The following DDX60 variants were observed in gnomAD, a reference collection of about 807,000 sequenced individuals.
The protein encoded by DDX60 is DExD/H-box helicase 60.
In DDX60, 165 loss-of-function variants were observed where a neutral mutation model predicts 212.8. The ratio of observed to expected loss-of-function variants is 0.78; its 90% CI spans 0.68 to 0.88. The LOEUF (loss-of-function observed/expected upper bound fraction) is 0.88, where lower values mean the gene tolerates loss of function less well. Among genes scored for constraint, DDX60 ranks in the 40% least tolerant of loss-of-function variants. The pLI is 0.00. For missense variants in DDX60, 1,905 were observed against 2,003.9 expected, an observed-to-expected ratio of 0.95 and a Z score of 0.94; for synonymous variants, 703 against 685.3, an observed-to-expected ratio of 1.03 and a Z score of -0.40.
chr4:168,322,322 T>C (rs1737624100), upstream of DDX60, among the ~76,000 whole-genome samples: 1 of 152,216 alleles, frequency 6.6e-6, no homozygotes, highest in Admixed American at 6.5e-5. Flanking sequence ...GTTAGAAACC[T>C]GGGAGCCATT....
chr4:168,297,372 AAGAAAGAAAG>A (rs1268972682), intron 6 of DDX60, among the ~76,000 whole-genome samples: 830 of 52,940 alleles, frequency 0.016, 61 homozygotes, highest in African/African-American at 0.027. Context: ...GAAAGAAAGA[AAGAAAGAAAG>A]AGAAAGAAAG....
intron 1 of DDX60, among the ~76,000 whole-genome samples, chr4:168,317,586 G>GC (rs1737451250): frequency 1.3e-5 from 2 of 152,096 alleles, no homozygotes; most frequent in African/African-American, 4.8e-5. Flanking sequence ...GAGAAGAGCT[G>GC]GTGGGTTAAA....
intron 34 of DDX60, among the ~76,000 whole-genome samples, chr4:168,225,290 A>G (rs1344834644): frequency 6.6e-6 from 1 of 152,062 alleles, no homozygotes; most frequent in Non-Finnish European, 1.5e-5. Context: ...TCAGTTTTCC[A>G]GGCTTGACCC....
Position 168,236,334 on chromosome 4 carries a change from A to G in DDX60, c.4451T>C (p.Val1484Ala). The change falls in exon 33 of 38, where the codon GTA becomes GCA. Residue 1484 changes from valine (V) to alanine (A), a missense_variant. Val to Ala is a moderately conservative substitution (Grantham distance 64, BLOSUM62 0). Transcript: ENST00000393743. ...HFSQDVMEKL[V>A]LVLAHLFGRR... ...TCCAAAGAGATGTGCCAATACTAATACTAGCTTTTCCATAACGTCTTGAGA... is the reference window on the plus strand; with the variant it reads ...TCCAAAGAGATGTGCCAATACTAATGCTAGCTTTTCCATAACGTCTTGAGA... 6.2e-7 allele frequency: 1 copy of G among 1,609,966 alleles called. No individual in the cohort carries two copies. Among genetic ancestry groups the G allele is most frequent in the Non-Finnish European group, 8.5e-7 (1 of 1,177,904 alleles).
At chr4:168,236,825 T>A (rs544633714) in intron 32 of DDX60, among the ~76,000 whole-genome samples, 1 of 151,916 alleles carries the variant, frequency 6.6e-6, no homozygotes, top group South Asian at 2.1e-4. Flanking sequence ...TATTTAGGTA[T>A]ACTATACAAT....
chr4:168,247,891 T>A (rs1734077234), intron 29 of DDX60, among the ~76,000 whole-genome samples: 1 of 152,216 alleles, frequency 6.6e-6, no homozygotes, highest in South Asian at 2.1e-4. Context: ...ACAAATCACT[T>A]ATTTAATTCT....
At chr4:168,251,676 T>C (rs1734226259) in intron 27 of DDX60, among the ~76,000 whole-genome samples, 1 of 152,114 alleles carries the variant, frequency 6.6e-6, no homozygotes, top group Admixed American at 6.5e-5. Context: ...TTCAATTATG[T>C]ATTCACTCAC....
chr4:168,237,758 T>C lies in DDX60; in HGVS notation c.4202A>G (p.Lys1401Arg). 6.2e-7 allele frequency: 1 copy of C among 1,611,860 alleles called. No homozygotes were observed. Among genetic ancestry groups the C allele is most frequent in the Non-Finnish European group, 8.5e-7 (1 of 1,178,888 alleles). Residue 1401 changes from lysine (K) to arginine (R), a missense_variant, in exon 31 of 38, where the codon AAG becomes AGG. Transcript: ENST00000393743. ...SVLKHSLLSF[K>R]QPRVMDMLKL... ...TAACATGTCCATGACTCTGGGTTGCTTGAAGGACAGCAATGAATGCTTTAG... is the reference window on the plus strand; with the variant it reads ...TAACATGTCCATGACTCTGGGTTGCCTGAAGGACAGCAATGAATGCTTTAG...
chr4:168,324,697 T>C, the DDX60 span, among the ~76,000 whole-genome samples: 1 of 152,226 alleles, frequency 6.6e-6, no homozygotes, highest in Non-Finnish European at 1.5e-5. Flanking sequence ...TTCAGGAATT[T>C]AACCAAGGTG....
chr4:168,279,162 A>G (rs1236658177), intron 14 of DDX60, among the ~76,000 whole-genome samples: 2 of 152,218 alleles, frequency 1.3e-5, no homozygotes, highest in South Asian at 4.1e-4. Context: ...AAAAGCAAAA[A>G]TTATCTTCTT....
At position 168,268,777 on chromosome 4, in the gene DDX60, G is replaced by A. The variant is rs1734959735; in HGVS notation, c.2786+77C>T. 8.5e-6 allele frequency: 7 copies of A among 823,578 alleles called. No homozygotes were observed. In the East Asian group the frequency reaches 1.6e-4, roughly 19 times the overall value. 51.0% of individuals were successfully genotyped at this position (823,578 alleles called of 1,614,324 possible). On this transcript the variant is annotated intron_variant, in intron 20 of 37. Coordinates refer to ENST00000393743, the MANE Select transcript of DDX60 (RefSeq NM_017631.6). Reference sequence around the variant, plus strand: ...CACTAGAAAATTATGAAACTCCTCAGAATCCACAGAGAAATTATGAAATTC... The same window carrying A: ...CACTAGAAAATTATGAAACTCCTCAAAATCCACAGAGAAATTATGAAATTC...
upstream of DDX60, among the ~76,000 whole-genome samples, chr4:168,321,137 A>AT (rs200072690): frequency 3.7e-3 from 553 of 149,922 alleles, 2 homozygotes; most frequent in African/African-American, 0.012. Flanking sequence ...GAAACTTTTT[A>AT]TTTTTTTTTT....
Position 168,216,862 on chromosome 4 carries a change from A to G in DDX60, c.*71T>C, listed in dbSNP as rs1458966694. 4 of 904,566 alleles carry G rather than the reference A, an allele frequency of 4.4e-6. No homozygotes were observed. Among genetic ancestry groups the G allele is most frequent in the African/African-American group, 1.7e-5 (1 of 57,568 alleles). 56.0% of individuals were successfully genotyped at this position (904,566 alleles called of 1,614,324 possible). The stretch of plus-strand genomic sequence containing the variant: ...TCATAATGTATTTCTGGCAAGAAGC[A>G]TAAGAATCAAAAACGTGACCTGAAA... On this transcript the variant is annotated 3_prime_UTR_variant, in exon 38 of 38. Transcript: ENST00000393743.
At chr4:168,312,531 C>T (rs1344614104) in intron 1 of DDX60, among the ~76,000 whole-genome samples, 1 of 151,894 alleles carries the variant, frequency 6.6e-6, no homozygotes, top group Admixed American at 6.6e-5. Flanking sequence ...AGGAAGAATC[C>T]ACAAAGGTAA....
chr4:168,224,372 T>C lies in DDX60; in HGVS notation c.4695A>G (p.Lys1565=). The change falls in exon 35 of 38, where the codon AAA becomes AAG. Residue 1565 remains lysine, a synonymous_variant. Transcript: ENST00000393743. ...ATACGAGTTGAGAGTCTTCACATTC[T>C]TTACCTGTGAATTCTGACAATAATA... The part of the protein sequence containing the change: ...LPLSKIKFTG[K]ECEDSQLVSH... 1 of 1,611,538 alleles carries C rather than the reference T, an allele frequency of 6.2e-7. No individual in the cohort carries two copies. The highest frequency in any genetic ancestry group is 1.3e-5 in the African/African-American group (1 of 74,942).
intron 26 of DDX60, among the ~76,000 whole-genome samples, chr4:168,253,076 T>A (rs1165584401): frequency 1.3e-5 from 2 of 152,192 alleles, no homozygotes; most frequent in Non-Finnish European, 2.9e-5. Flanking sequence ...GTGCTGGGAT[T>A]ACAGGCATGA....
intron 33 of DDX60, among the ~76,000 whole-genome samples, chr4:168,227,165 T>G (rs1488931680): frequency 1.3e-5 from 2 of 151,846 alleles, no homozygotes; most frequent in Non-Finnish European, 2.9e-5. Context: ...TTTGGAAGAA[T>G]TCACCAGTGA....
chr4:168,286,535 T>C (rs1179082686), intron 10 of DDX60, among the ~76,000 whole-genome samples: 1 of 151,946 alleles, frequency 6.6e-6, no homozygotes, highest in Admixed American at 6.6e-5. Context: ...TGATTCCAGG[T>C]TAACCACCAT....
rs115808416 is a variant in DDX60, at chr4:168,282,544, C to T, written c.1722+902G>A. On this transcript the variant is annotated intron_variant, in intron 13 of 37. Transcript: ENST00000393743. ...TGTTAAGGTGGATATGTGACAAATA[C>T]CTTTATTTGTGATTGGTTTTGTTAA... 2.6e-3 allele frequency among the ~76,000 whole-genome samples: 393 copies of T among 152,198 alleles called. 1 individual carries two copies. The highest frequency in any genetic ancestry group is 0.01 in the Middle Eastern group (3 of 294).
Sources: gnomAD v4.1 joint callset for allele counts (sites outside exome capture counted in the v4.1 genomes callset) on GRCh38, gnomAD v4.1.1 for gene constraint, MANE v1.5 for transcripts, NCBI Gene and HGNC (gene_info 2026-07-23, HGNC 2026-07-21) for gene names.